Variants in CCSER2 observed in about 807,000 individuals in gnomAD.
CCSER2 encodes coiled-coil serine rich protein 2.
In CCSER2, 46 loss-of-function variants were observed where a neutral mutation model predicts 92.3. The observed-to-expected ratio is 0.50, with a 90% CI of 0.39 to 0.64. The LOEUF (loss-of-function observed/expected upper bound fraction) is 0.64, where lower values mean the gene tolerates loss of function less well. CCSER2 is among the 30% of genes least tolerant of loss of function. CCSER2 has a pLI of 0.00. For missense variants in CCSER2, 1,244 were observed against 1,238.9 expected, an observed-to-expected ratio of 1.00 and a Z score of -0.06; for synonymous variants, 433 against 431.4, an observed-to-expected ratio of 1.00 and a Z score of -0.04.
chr10:84,400,974 T>G (rs1842088724), intron 3 of CCSER2, among the ~76,000 whole-genome samples: 2 of 151,416 alleles, frequency 1.3e-5, no homozygotes, highest in Non-Finnish European at 2.9e-5. Flanking sequence ...GTAATCTTAG[T>G]ACTTTGGGAG....
intron 9 of CCSER2, among the ~76,000 whole-genome samples, chr10:84,479,872 G>T (rs972325948): frequency 6.6e-6 from 1 of 152,042 alleles, no homozygotes; most frequent in African/African-American, 2.4e-5. Flanking sequence ...ATAGAGAAGA[G>T]AAAAGGATCA....
At chr10:84,428,966 T>A (rs1216821743) in intron 5 of CCSER2, among the ~76,000 whole-genome samples, 1 of 137,034 alleles carries the variant, frequency 7.3e-6, no homozygotes, top group African/African-American at 2.7e-5. Context: ...TGTTGAAGAT[T>A]TTTTTTGTGT....
intron 3 of CCSER2, among the ~76,000 whole-genome samples, chr10:84,404,824 G>A (rs924279363): frequency 1.3e-5 from 2 of 151,996 alleles, no homozygotes; most frequent in Admixed American, 6.6e-5. Context: ...AAAACACTTA[G>A]GTATAAATCT....
At chr10:84,351,117 CTA>C (rs35583534) in intron 1 of CCSER2, among the ~76,000 whole-genome samples, 31,692 of 151,910 alleles carry the variant, frequency 0.21, 3,551 homozygotes, top group Admixed American at 0.34. Context: ...TAAATTGTAC[CTA>C]GATAGTTCAT....
Position 84,372,628 on chromosome 10 carries a change from CTT to C in CCSER2, c.1417+162_1417+163del, listed in dbSNP as rs1286617022. On this transcript the variant is annotated intron_variant, in intron 2 of 9. Transcript: ENST00000372088. ...TGGGTTAACGTTTATTTTCCTGTGA[CTT>C]TTGCTCCATACCCCATTTTTCACCC... Among the ~76,000 whole-genome samples the C allele has an allele frequency of 2.0e-5, 3 of 152,078 alleles. No homozygotes were observed. In the East Asian group the frequency reaches 5.8e-4, roughly 29 times the overall value.
intron 9 of CCSER2, among the ~76,000 whole-genome samples, chr10:84,481,017 A>G (rs893654990): frequency 6.6e-6 from 1 of 152,096 alleles, no homozygotes; most frequent in African/African-American, 2.4e-5. Flanking sequence ...TTTTTTCTGA[A>G]AGGTTTATAC....
intron 9 of CCSER2, among the ~76,000 whole-genome samples, chr10:84,484,930 A>C (rs1426457771): frequency 6.6e-6 from 1 of 152,240 alleles, no homozygotes; most frequent in African/African-American, 2.4e-5. Context: ...CGAACAAATT[A>C]AATATGGATA....
chr10:84,330,532 A>T (rs1843504908), intron 1 of CCSER2, among the ~76,000 whole-genome samples: 1 of 152,058 alleles, frequency 6.6e-6, no homozygotes, highest in Non-Finnish European at 1.5e-5. Flanking sequence ...GTGTTTTTTG[A>T]GACAGAGTCT....
At chr10:84,484,857 ACTTT>A (rs1280371263) in intron 9 of CCSER2, among the ~76,000 whole-genome samples, 2 of 152,096 alleles carry the variant, frequency 1.3e-5, no homozygotes, top group African/African-American at 2.4e-5. Flanking sequence ...TAGTGCTGTG[ACTTT>A]CTTTCATGTA....
chr10:84,505,802 T>C (rs1023440361), intron 9 of CCSER2, among the ~76,000 whole-genome samples: 7 of 152,162 alleles, frequency 4.6e-5, no homozygotes, highest in African/African-American at 1.7e-4. Context: ...CTTGGAATTA[T>C]GAGAAGTGCA....
chr10:84,359,907 G>A (rs1252993685), intron 1 of CCSER2, among the ~76,000 whole-genome samples: 2 of 151,830 alleles, frequency 1.3e-5, no homozygotes, highest in East Asian at 1.9e-4. Flanking sequence ...TCCACCTCCC[G>A]AGTTCAAGTG....
chr10:84,485,324 C>T (rs1847741204), intron 9 of CCSER2, among the ~76,000 whole-genome samples: 1 of 152,110 alleles, frequency 6.6e-6, no homozygotes, highest in African/African-American at 2.4e-5. Context: ...ACTATTGTAC[C>T]ACCACAGCAT....
intron 9 of CCSER2, among the ~76,000 whole-genome samples, chr10:84,490,800 G>A (rs1457739918): frequency 6.6e-6 from 1 of 152,228 alleles, no homozygotes; most frequent in African/African-American, 2.4e-5. Context: ...CGTTCCTTTG[G>A]AGGGGGAGAG....
chr10:84,430,205 C>T (rs1163246984), intron 5 of CCSER2, among the ~76,000 whole-genome samples: 1 of 152,078 alleles, frequency 6.6e-6, no homozygotes, highest in African/African-American at 2.4e-5. Context: ...GCAGCTCTGC[C>T]TTGGCCTTCA....
At chr10:84,382,297 A>G (rs1055691115) in intron 3 of CCSER2, among the ~76,000 whole-genome samples, 4 of 152,142 alleles carry the variant, frequency 2.6e-5, no homozygotes, top group African/African-American at 9.7e-5. Flanking sequence ...ATAGCTATGG[A>G]CTACCTACTA....
intron 1 of CCSER2, among the ~76,000 whole-genome samples, chr10:84,336,309 T>C (rs1475916255): frequency 6.6e-6 from 1 of 152,236 alleles, no homozygotes; most frequent in Non-Finnish European, 1.5e-5. Context: ...ACAAATTTTC[T>C]GCCTTTGTGG....
intron 6 of CCSER2, among the ~76,000 whole-genome samples, chr10:84,451,264 TTTG>T (rs1349587596): frequency 1.5e-5 from 2 of 136,272 alleles, no homozygotes; most frequent in Admixed American, 7.6e-5. Flanking sequence ...GTTTTTTTTT[TTTG>T]TTTTTTGTTT....
chr10:84,436,933 G>T (rs923342115), intron 5 of CCSER2, among the ~76,000 whole-genome samples: 2 of 151,978 alleles, frequency 1.3e-5, no homozygotes, highest in Non-Finnish European at 2.9e-5. Flanking sequence ...ATATTTCTAC[G>T]TTTTCAATAT....
intron 3 of CCSER2, among the ~76,000 whole-genome samples, chr10:84,416,696 A>T (rs1474485385): frequency 1.3e-5 from 2 of 152,124 alleles, no homozygotes; most frequent in African/African-American, 4.8e-5. Flanking sequence ...TGGGAGGCCG[A>T]GGCAGGCAGA....
Sources: allele counts gnomAD v4.1 joint callset (sites outside exome capture counted in the v4.1 genomes callset), GRCh38; gene constraint gnomAD v4.1.1; transcripts MANE v1.5; gene names NCBI Gene and HGNC (gene_info 2026-07-23, HGNC 2026-07-21).